ABLIM2: variants seen among roughly 807,000 people sequenced by gnomAD.
ABLIM2 encodes actin-binding LIM protein 2.
A neutral mutation model predicts 97.7 loss-of-function variants in ABLIM2; 53 were observed. The observed-to-expected ratio is 0.54, with a 90% CI of 0.44 to 0.68. The LOEUF is 0.68. ABLIM2 is among the 30% of genes least tolerant of loss of function. ABLIM2 has a pLI of 0.00. For synonymous variants in ABLIM2, 361 were observed against 345.8 expected (o/e 1.04, Z -0.49); for missense variants, 835 against 867.2 (o/e 0.96, Z 0.47).
In ABLIM2 at chr4:7,972,050, G is replaced by A. The variant is rs772792712; in HGVS notation, c.1825-4947C>T. On this transcript the variant is annotated intron_variant, in intron 20 of 20. Coordinates refer to ENST00000447017, the MANE Select transcript of ABLIM2 (RefSeq NM_001130083.2). ...TCTTGCTTAAGCCGGGCCCAGGCCCGGAAGCTCCAGCCCTCCCAGCAGGAG... is the reference window on the plus strand; with the variant it reads ...TCTTGCTTAAGCCGGGCCCAGGCCCAGAAGCTCCAGCCCTCCCAGCAGGAG... Among the ~76,000 whole-genome samples the A allele has an allele frequency of 2.0e-5, 3 of 152,134 alleles. No individual in the cohort carries two copies. In the East Asian group the frequency reaches 5.8e-4, roughly 29 times the overall value.
intron 14 of ABLIM2, among the ~76,000 whole-genome samples, chr4:8,016,957 C>A (rs1438737792): frequency 1.3e-5 from 2 of 152,190 alleles, no homozygotes; most frequent in East Asian, 1.9e-4. Context: ...GGATTAGAAT[C>A]CTCTTTTCTA....
At chr4:8,105,310 C>T (rs561902574) in intron 2 of ABLIM2, among the ~76,000 whole-genome samples, 3 of 152,324 alleles carry the variant, frequency 2.0e-5, no homozygotes, top group African/African-American at 7.2e-5. Flanking sequence ...CTATAAAAAG[C>T]CACCTTTTCA....
intron 1 of ABLIM2, among the ~76,000 whole-genome samples, chr4:8,114,952 C>T (rs949754191): frequency 6.6e-6 from 1 of 152,124 alleles, no homozygotes; most frequent in African/African-American, 2.4e-5. Context: ...CTGCGGGGCG[C>T]CCTGGAACGC....
At position 8,120,586 on chromosome 4, in the gene ABLIM2, A is replaced by T. The variant is rs925310660; in HGVS notation, c.11-13949T>A. The stretch of plus-strand genomic sequence containing the variant: ...AGGAGCCAGCCCTGCCCGCACCTTG[A>T]TCTGGGACTTCTGGCCTCCAGAACT... On this transcript the variant is annotated intron_variant, in intron 1 of 20. Transcript: ENST00000447017. The surrounding 1 kb of genome is among the most constrained non-coding windows in gnomAD (Gnocchi z 5.6). Among the ~76,000 whole-genome samples the T allele has an allele frequency of 6.6e-6, 1 of 152,060 alleles. No individual in the cohort carries two copies. The highest frequency in any genetic ancestry group is 1.5e-5 in the Non-Finnish European group (1 of 67,994).
chr4:8,097,354 A>AC, intron 2 of ABLIM2, 72 bp from the exon 3 acceptor site: 1 of 1,504,644 alleles, frequency 6.6e-7, no homozygotes, highest in Non-Finnish European at 9.0e-7. Context: ...CCCGAGGTGC[A>AC]CCCCCCTCCA....
Position 8,001,787 on chromosome 4 carries a change from C to T in ABLIM2, c.1618+6272G>A, listed in dbSNP as rs1286841017. On this transcript the variant is annotated intron_variant, in intron 16 of 20. Transcript: ENST00000447017. This position sits in a 1 kb window ranked among gnomAD's most constrained non-coding sequence, Gnocchi z 4.2. ...TCTGCAGGATCAGCCCTGCTGGCTG[C>T]CCCCTTCCCCACTTCCCTGGCCCAC... Among the ~76,000 whole-genome samples, 1 of 152,144 alleles carries T rather than the reference C, an allele frequency of 6.6e-6. No individual in the cohort carries two copies. Among genetic ancestry groups the T allele is most frequent in the East Asian group, 1.9e-4 (1 of 5,170 alleles).
chr4:8,030,094 C>T (rs528627363), intron 10 of ABLIM2, among the ~76,000 whole-genome samples: 2 of 152,332 alleles, frequency 1.3e-5, no homozygotes, highest in East Asian at 1.9e-4. Flanking sequence ...TCTCCTCCTG[C>T]CTGACCCTCG....
At position 8,113,067 on chromosome 4, in the gene ABLIM2, G is replaced by A. The variant is rs777550906; in HGVS notation, c.11-6430C>T. Among the ~76,000 whole-genome samples, 3 of 152,144 alleles carry A rather than the reference G, an allele frequency of 2.0e-5. No homozygotes were observed. The highest frequency in any genetic ancestry group is 2.0e-4 in the Admixed American group (3 of 15,272). On this transcript the variant is annotated intron_variant, in intron 1 of 20. Transcript: ENST00000447017. The surrounding 1 kb of genome is among the most constrained non-coding windows in gnomAD (Gnocchi z 4.5). Reference sequence around the variant, plus strand: ...ACCAGCTCTCACGACCCAGACAGCAGAGTCCTCATCATTCCGTGATCTCTG... The same window carrying A: ...ACCAGCTCTCACGACCCAGACAGCAAAGTCCTCATCATTCCGTGATCTCTG...
At chr4:7,977,201 T>C (rs764746890) in intron 20 of ABLIM2, among the ~76,000 whole-genome samples, 1 of 152,204 alleles carries the variant, frequency 6.6e-6, no homozygotes, top group African/African-American at 2.4e-5. Context: ...CCTGCCACCA[T>C]GTAAGATGTG....
chr4:8,030,598 A>G (rs1260233417), intron 10 of ABLIM2, among the ~76,000 whole-genome samples: 1 of 152,120 alleles, frequency 6.6e-6, no homozygotes, highest in Non-Finnish European at 1.5e-5. Flanking sequence ...CGCCACCTCC[A>G]TGCGCTCAGG....
Position 8,044,378 on chromosome 4 carries a change from T to G in ABLIM2, c.900+786A>C, listed in dbSNP as rs1050857526. Among the ~76,000 whole-genome samples, 1 of 152,050 alleles carries G rather than the reference T, an allele frequency of 6.6e-6. No individual in the cohort carries two copies. Among genetic ancestry groups the G allele is most frequent in the African/African-American group, 2.4e-5 (1 of 41,386 alleles). On this transcript the variant is annotated intron_variant, in intron 9 of 20. Coordinates refer to ENST00000447017, the MANE Select transcript of ABLIM2 (RefSeq NM_001130083.2). The surrounding 1 kb of genome is among the most constrained non-coding windows in gnomAD (Gnocchi z 4.4). The stretch of plus-strand genomic sequence containing the variant: ...CACCTGGCGCCTGGGGGTCCTCGCC[T>G]AGATAAGGAATTTTGGTATTTACAC...
At chr4:7,973,734 T>C (rs996160421) in intron 20 of ABLIM2, among the ~76,000 whole-genome samples, 1 of 152,204 alleles carries the variant, frequency 6.6e-6, no homozygotes, top group Non-Finnish European at 1.5e-5. Flanking sequence ...TCTCAGAGTG[T>C]GAATCCACGA....
At chr4:8,118,254 G>T (rs1314480199) in intron 1 of ABLIM2, among the ~76,000 whole-genome samples, 1 of 152,222 alleles carries the variant, frequency 6.6e-6, no homozygotes, top group Non-Finnish European at 1.5e-5. Context: ...CATCTGGGGA[G>T]ACGCCAGAGG....
intron 3 of ABLIM2, among the ~76,000 whole-genome samples, chr4:8,096,642 A>G (rs1831732098): frequency 6.6e-6 from 1 of 152,242 alleles, no homozygotes; most frequent in Non-Finnish European, 1.5e-5. Flanking sequence ...AACAGAAAAC[A>G]AACTGTTTTT....
intron 17 of ABLIM2, among the ~76,000 whole-genome samples, chr4:7,990,077 G>A (rs371611911): frequency 1.3e-5 from 2 of 152,154 alleles, no homozygotes; most frequent in Non-Finnish European, 2.9e-5. Flanking sequence ...GAAAGCCTTT[G>A]CCTCCCATGA....
intron 13 of ABLIM2, 82 bp downstream of exon 13, chr4:8,020,120 C>T: frequency 7.5e-7 from 1 of 1,332,564 alleles, no homozygotes; most frequent in East Asian, 2.4e-5. Flanking sequence ...TGAGTCAAGG[C>T]AAGCTGACAG....
intron 8 of ABLIM2, among the ~76,000 whole-genome samples, chr4:8,050,818 C>A (rs181742349): frequency 2.0e-5 from 3 of 152,228 alleles, no homozygotes; most frequent in Non-Finnish European, 4.4e-5. Flanking sequence ...CTGGACTCGG[C>A]GCTAAGAGGC....
chr4:8,131,704 CAG>C (rs1849419927), intron 1 of ABLIM2, among the ~76,000 whole-genome samples: 2 of 95,872 alleles, frequency 2.1e-5, no homozygotes, highest in African/African-American at 9.0e-5. Flanking sequence ...CCCAGCACAG[CAG>C]CCCGCATCCC....
rs547252029 is a variant in ABLIM2, at chr4:8,128,381, C to T, written c.11-21744G>A. 2.7e-4 allele frequency among the ~76,000 whole-genome samples: 41 copies of T among 152,314 alleles called. No homozygotes were observed. Among genetic ancestry groups the T allele is most frequent in the African/African-American group, 9.9e-4 (41 of 41,556 alleles). On this transcript the variant is annotated intron_variant, in intron 1 of 20. Transcript: ENST00000447017. This position sits in a 1 kb window ranked among gnomAD's most constrained non-coding sequence, Gnocchi z 4.9. The stretch of plus-strand genomic sequence containing the variant: ...TGTCTCTATCTAGCGAATCAGAGTC[C>T]AGCACCCCGTCATAGGATGCGTTGC...
Sources: gnomAD v4.1 joint callset for allele counts (sites outside exome capture counted in the v4.1 genomes callset) on GRCh38, gnomAD v4.1.1 for gene constraint, Gnocchi (gnomAD v3.1) non-coding constraint, MANE v1.5 for transcripts, NCBI Gene and HGNC (gene_info 2026-07-23, HGNC 2026-07-21) for gene names.